The following GRIK2 variants were observed in gnomAD, a reference collection of about 807,000 sequenced individuals.
GRIK2 encodes glutamate ionotropic receptor kainate type subunit 2.
GRIK2 carries 32 observed loss-of-function variants against 100.3 expected under a neutral mutation model. That is an observed-to-expected ratio of 0.32 (90% CI 0.24 to 0.43). GRIK2 has a LOEUF of 0.43. GRIK2 is among the 20% of genes least tolerant of loss of function. GRIK2 has a pLI of 1.00. For missense variants in GRIK2, 843 were observed against 1,114.9 expected (o/e 0.76, Z 3.47); for synonymous variants, 417 against 389.4 (o/e 1.07, Z -0.83).
intron 10 of GRIK2, among the ~76,000 whole-genome samples, chr6:101,843,019 C>A (rs1042139621): frequency 6.6e-6 from 1 of 152,180 alleles, no homozygotes; most frequent in Non-Finnish European, 1.5e-5. Flanking sequence ...GAAAACTCCA[C>A]CTTCTAATCT....
At chr6:101,846,496 T>C (rs143011054) in intron 10 of GRIK2, among the ~76,000 whole-genome samples, 1 of 152,182 alleles carries the variant, frequency 6.6e-6, no homozygotes, top group East Asian at 1.9e-4. Context: ...GTGAAGTCTT[T>C]TCTGGTTTAG....
intron 2 of GRIK2, among the ~76,000 whole-genome samples, chr6:101,592,047 G>A (rs1466173558): frequency 3.3e-5 from 5 of 151,828 alleles, no homozygotes; most frequent in African/African-American, 4.8e-5. Context: ...TAAAAGTCTG[G>A]GGTCTCCCCT....
chr6:102,028,804 C>T (rs1221263360), intron 14 of GRIK2, among the ~76,000 whole-genome samples: 1 of 150,782 alleles, frequency 6.6e-6, no homozygotes, highest in African/African-American at 2.4e-5. Flanking sequence ...AATCATGATG[C>T]CATGAATTTT....
chr6:101,974,303 G>T (rs948137658), intron 14 of GRIK2, among the ~76,000 whole-genome samples: 2 of 151,924 alleles, frequency 1.3e-5, no homozygotes, highest in African/African-American at 4.8e-5. Context: ...AAATGTGCAA[G>T]ATTCTGTGGA....
Position 101,889,675 on chromosome 6 carries a change from C to G in GRIK2, c.1560C>G (p.Thr520=), listed in dbSNP as rs769678096. 1 of 1,609,224 alleles carries G rather than the reference C, an allele frequency of 6.2e-7. No homozygotes were observed. Among genetic ancestry groups the G allele is most frequent in the South Asian group, 1.1e-5 (1 of 90,946 alleles). ...TTGCAGTTGCTCCACTGGCTATTACCTATGTTCGAGAGAAGGTCATCGACT... is the reference window on the plus strand; with the variant it reads ...TTGCAGTTGCTCCACTGGCTATTACGTATGTTCGAGAGAAGGTCATCGACT... ...ADLAVAPLAI[T]YVREKVIDFS... The change falls in exon 12 of 17, where the codon ACC becomes ACG. Residue 520 remains threonine (T), a synonymous_variant. Coordinates refer to ENST00000369134, the MANE Select transcript of GRIK2 (RefSeq NM_021956.5).
intron 14 of GRIK2, among the ~76,000 whole-genome samples, chr6:101,955,610 CT>C (rs1791878555): frequency 1.0e-4 from 13 of 129,366 alleles, no homozygotes; most frequent in African/African-American, 2.4e-4. Context: ...CTCTCTCTCT[CT>C]CTCTCCCCCC....
intron 2 of GRIK2, among the ~76,000 whole-genome samples, chr6:101,515,444 G>C (rs1774536427): frequency 6.6e-6 from 1 of 152,140 alleles, no homozygotes. Context: ...TAGTGGGATT[G>C]CTGGATTAAA....
intron 14 of GRIK2, among the ~76,000 whole-genome samples, chr6:102,013,071 G>A (rs969666955): frequency 1.3e-5 from 2 of 152,080 alleles, no homozygotes; most frequent in Non-Finnish European, 2.9e-5. Context: ...TATGAGTATA[G>A]AATGTTTCTT....
At chr6:101,670,009 G>A (rs906804556) in intron 4 of GRIK2, among the ~76,000 whole-genome samples, 5 of 152,070 alleles carry the variant, frequency 3.3e-5, no homozygotes, top group African/African-American at 7.2e-5. Flanking sequence ...TGGAAAGTGA[G>A]AATTTAAAAA....
At chr6:101,846,956 T>C (rs1486243342) in intron 10 of GRIK2, among the ~76,000 whole-genome samples, 1 of 151,912 alleles carries the variant, frequency 6.6e-6, no homozygotes, top group Non-Finnish European at 1.5e-5. Flanking sequence ...CAAATTTTGG[T>C]TCCATTGCTT....
intron 7 of GRIK2, among the ~76,000 whole-genome samples, chr6:101,776,341 C>T (rs539607594): frequency 1.3e-5 from 2 of 152,106 alleles, no homozygotes; most frequent in South Asian, 2.1e-4. Flanking sequence ...TAAGCAAGCA[C>T]ACAACATTAT....
chr6:101,650,539 C>A (rs1781736667), intron 4 of GRIK2, among the ~76,000 whole-genome samples: 1 of 152,106 alleles, frequency 6.6e-6, no homozygotes, highest in African/African-American at 2.4e-5. Flanking sequence ...GGTGCATTAG[C>A]AGAAAGTCAG....
intron 4 of GRIK2, among the ~76,000 whole-genome samples, chr6:101,665,961 C>A (rs1770000034): frequency 6.6e-6 from 1 of 152,084 alleles, no homozygotes. Context: ...TTTGTAGTAT[C>A]TATTAATCAT....
At chr6:101,493,951 A>AAT (rs966407061) in intron 2 of GRIK2, among the ~76,000 whole-genome samples, 3 of 137,582 alleles carry the variant, frequency 2.2e-5, no homozygotes, top group South Asian at 2.2e-4. Flanking sequence ...ATTTATATAT[A>AAT]ATATATATAT....
At position 101,928,537 on chromosome 6, in the gene GRIK2, A is replaced by G. The variant is rs1790058861; in HGVS notation, c.1990A>G (p.Met664Val). ...NLAAFLTVER[M>V]ESPIDSADDL... Reference sequence around the variant, plus strand: ...AGCCGCCTTTCTGACAGTGGAACGCATGGAATCCCCTATTGACTCTGCTGA... The same window carrying G: ...AGCCGCCTTTCTGACAGTGGAACGCGTGGAATCCCCTATTGACTCTGCTGA... Residue 664 changes from methionine to valine, a missense_variant, in exon 14 of 17, where the codon ATG becomes GTG. Coordinates refer to ENST00000369134, the MANE Select transcript of GRIK2 (RefSeq NM_021956.5). The G allele has an allele frequency of 2.5e-6, 4 of 1,604,448 alleles. No individual in the cohort carries two copies. The highest frequency in any genetic ancestry group is 3.4e-6 in the Non-Finnish European group (4 of 1,171,344).
chr6:101,788,087 T>C (rs1779559201), intron 7 of GRIK2, among the ~76,000 whole-genome samples: 1 of 152,172 alleles, frequency 6.6e-6, no homozygotes, highest in Non-Finnish European at 1.5e-5. Flanking sequence ...TTAAAGTTTG[T>C]TTTATTTGAT....
intron 15 of GRIK2, among the ~76,000 whole-genome samples, chr6:102,046,660 G>C (rs1213097529): frequency 6.6e-6 from 1 of 152,024 alleles, no homozygotes; most frequent in Non-Finnish European, 1.5e-5. Flanking sequence ...AGTCTCAAGT[G>C]GTTCTTTATA....
intron 4 of GRIK2, among the ~76,000 whole-genome samples, chr6:101,632,496 G>A (rs1441929566): frequency 6.6e-6 from 1 of 152,068 alleles, no homozygotes; most frequent in African/African-American, 2.4e-5. Context: ...TGGTTAAGTA[G>A]CCTTTAACTA....
intron 10 of GRIK2, among the ~76,000 whole-genome samples, chr6:101,856,849 G>A (rs2128442070): frequency 6.6e-6 from 1 of 152,116 alleles, no homozygotes; most frequent in Non-Finnish European, 1.5e-5. Flanking sequence ...GAAATAATTT[G>A]GTAATGAGTA....
Sources: gnomAD v4.1 joint callset for allele counts (sites outside exome capture counted in the v4.1 genomes callset) on GRCh38, gnomAD v4.1.1 for gene constraint, MANE v1.5 for transcripts, NCBI Gene and HGNC (gene_info 2026-07-23, HGNC 2026-07-21) for gene names.